Variants in ADGRB3 observed in about 807,000 individuals in gnomAD.
ADGRB3 encodes brain-specific angiogenesis inhibitor 3.
In ADGRB3, 37 loss-of-function variants were observed where a neutral mutation model predicts 193.4. The ratio of observed to expected loss-of-function variants is 0.19; its 90% CI spans 0.15 to 0.25. The LOEUF is 0.25. Among genes scored for constraint, ADGRB3 ranks in the 10% least tolerant of loss-of-function variants. The pLI is 1.00. For synonymous variants in ADGRB3, 690 were observed against 644.2 expected (o/e 1.07, Z -1.08); for missense variants, 1,637 against 1,852.9 (o/e 0.88, Z 2.14).
intron 17 of ADGRB3, among the ~76,000 whole-genome samples, chr6:69,116,604 A>C (rs1213979646): frequency 6.6e-6 from 1 of 152,234 alleles, no homozygotes; most frequent in Non-Finnish European, 1.5e-5. Flanking sequence ...CACTGATTGC[A>C]GTAAAAACTG....
At chr6:68,638,547 A>C in intron 2 of ADGRB3, 114 bp from the exon 3 acceptor site, 3 of 1,111,084 alleles carry the variant, frequency 2.7e-6, no homozygotes, top group Non-Finnish European at 1.3e-6. Context: ...CTTCTTTTAA[A>C]AAGGGCTTTT....
At chr6:69,271,460 T>C (rs1767176533) in intron 20 of ADGRB3, among the ~76,000 whole-genome samples, 1 of 152,112 alleles carries the variant, frequency 6.6e-6, no homozygotes, top group African/African-American at 2.4e-5. Context: ...ACACCTAAGG[T>C]CAAAAAGGAG....
chr6:68,781,903 A>G (rs1447094502), intron 3 of ADGRB3, among the ~76,000 whole-genome samples: 4 of 152,106 alleles, frequency 2.6e-5, no homozygotes, highest in African/African-American at 9.7e-5. Context: ...AAGCGAAAGA[A>G]GGGAAGTGTA....
In ADGRB3 at chr6:69,388,843, G is replaced by A. The variant is rs745818784; in HGVS notation, c.4521G>A (p.Leu1507=). The part of the protein sequence containing the change: ...ELRPAEWEKC[L]NLPLDVQEGD... ...GGCCAGCAGAGTGGGAGAAGTGTCTGAATTTGCCTCTGGATGTGCAAGAGG... is the reference window on the plus strand; with the variant it reads ...GGCCAGCAGAGTGGGAGAAGTGTCTAAATTTGCCTCTGGATGTGCAAGAGG... Residue 1507 remains leucine (L), a synonymous_variant, in exon 32 of 32, where the codon CTG becomes CTA. Coordinates refer to ENST00000370598, the MANE Select transcript of ADGRB3 (RefSeq NM_001704.3). 134 of 1,613,234 alleles carry A rather than the reference G, an allele frequency of 8.3e-5. No individual in the cohort carries two copies. Among genetic ancestry groups the A allele is most frequent in the Non-Finnish European group, 1.1e-4 (133 of 1,179,588 alleles).
intron 16 of ADGRB3, among the ~76,000 whole-genome samples, chr6:69,065,590 T>C (rs1771876529): frequency 6.6e-6 from 1 of 152,118 alleles, no homozygotes; most frequent in Admixed American, 6.6e-5. Context: ...CATAATATTA[T>C]TACCAGTCTT....
At chr6:68,652,344 C>G (rs186621998) in intron 3 of ADGRB3, among the ~76,000 whole-genome samples, 2 of 152,268 alleles carry the variant, frequency 1.3e-5, no homozygotes, top group Admixed American at 1.3e-4. Flanking sequence ...CACTCTATGT[C>G]ACACTTGTGA....
chr6:69,332,159 C>A (rs868128650), intron 23 of ADGRB3: 1 of 985,350 alleles, frequency 1.0e-6, no homozygotes, highest in South Asian at 4.7e-5. Context: ...CGGGGCTCAT[C>A]ATAAGCTGGT....
chr6:68,706,306 G>T (rs188228088), intron 3 of ADGRB3, among the ~76,000 whole-genome samples: 1 of 152,050 alleles, frequency 6.6e-6, no homozygotes, highest in Non-Finnish European at 1.5e-5. Context: ...GGCTGGGGTG[G>T]GGAAGACTAG....
At chr6:69,225,479 G>A (rs1456017160) in intron 17 of ADGRB3, among the ~76,000 whole-genome samples, 1 of 152,146 alleles carries the variant, frequency 6.6e-6, no homozygotes, top group African/African-American at 2.4e-5. Context: ...TGAGAGAACA[G>A]GGTAAAGGGA....
At position 69,279,586 on chromosome 6, in the gene ADGRB3, C is replaced by T. The variant is rs564907214; in HGVS notation, c.2814+40360C>T. On this transcript the variant is annotated intron_variant, in intron 20 of 31. Transcript: ENST00000370598. Reference sequence around the variant, plus strand: ...AATTATACATATATATATTTGTACTCTCTAGAATAACTATTTTTGAAATTT... The same window carrying T: ...AATTATACATATATATATTTGTACTTTCTAGAATAACTATTTTTGAAATTT... 5.4e-4 allele frequency among the ~76,000 whole-genome samples: 82 copies of T among 152,176 alleles called. No individual in the cohort carries two copies. The South Asian group carries it at 7.9e-3, about 15-fold the overall frequency.
chr6:69,100,824 A>AGG, intron 17 of ADGRB3, among the ~76,000 whole-genome samples: 2 of 94,032 alleles, frequency 2.1e-5, no homozygotes, highest in African/African-American at 7.7e-5. Context: ...GAAGGAAGGA[A>AGG]AGAAGGAAGG....
chr6:69,138,432 T>G (rs1399636574), intron 17 of ADGRB3, among the ~76,000 whole-genome samples: 1 of 152,228 alleles, frequency 6.6e-6, no homozygotes, highest in Non-Finnish European at 1.5e-5. Context: ...AGGTTACTGA[T>G]AAACCTCAGT....
At chr6:69,351,048 A>G (rs1468749085) in intron 26 of ADGRB3, among the ~76,000 whole-genome samples, 5 of 152,038 alleles carry the variant, frequency 3.3e-5, no homozygotes, top group Admixed American at 2.6e-4. Context: ...AGTGTTGGAC[A>G]AATATTTAAG....
Position 69,105,609 on chromosome 6 carries a change from AG to A in ADGRB3, c.2480+29572del, listed in dbSNP as rs1461489148. On this transcript the variant is annotated intron_variant, in intron 17 of 31. Coordinates refer to ENST00000370598, the MANE Select transcript of ADGRB3 (RefSeq NM_001704.3). Reference sequence around the variant, plus strand: ...TCCCAGCCCCGTTTCTGCCAGGGCTAGTATTGCTTCTCAATACTATTGCTTC... The same window carrying A: ...TCCCAGCCCCGTTTCTGCCAGGGCTATATTGCTTCTCAATACTATTGCTTC... 5.9e-5 allele frequency among the ~76,000 whole-genome samples: 9 copies of A among 152,318 alleles called. No homozygotes were observed. In the East Asian group the frequency reaches 1.7e-3, roughly 29 times the overall value.
intron 3 of ADGRB3, among the ~76,000 whole-genome samples, chr6:68,718,457 T>C (rs1159605857): frequency 1.3e-5 from 2 of 151,806 alleles, no homozygotes; most frequent in Non-Finnish European, 2.9e-5. Context: ...ACATATGTTC[T>C]AGTGCCTCTG....
chr6:69,167,081 C>T (rs552441647), intron 17 of ADGRB3, among the ~76,000 whole-genome samples: 21 of 152,084 alleles, frequency 1.4e-4, no homozygotes, highest in Non-Finnish European at 3.1e-4. Flanking sequence ...AGCAGGAAGC[C>T]GTACTTCTCT....
chr6:69,067,324 C>T (rs1322699666), intron 16 of ADGRB3, among the ~76,000 whole-genome samples: 1 of 152,064 alleles, frequency 6.6e-6, no homozygotes, highest in Non-Finnish European at 1.5e-5. Flanking sequence ...ATTCTAATAG[C>T]ATGAAGCTAA....
At chr6:68,783,417 G>A (rs1766899233) in intron 3 of ADGRB3, among the ~76,000 whole-genome samples, 1 of 150,848 alleles carries the variant, frequency 6.6e-6, no homozygotes, top group African/African-American at 2.4e-5. Flanking sequence ...TACTGCAGTA[G>A]CCAATTCCTT....
chr6:68,796,488 CT>C (rs1767210785), intron 3 of ADGRB3, among the ~76,000 whole-genome samples: 1 of 152,112 alleles, frequency 6.6e-6, no homozygotes, highest in Non-Finnish European at 1.5e-5. Context: ...TATAGTCATT[CT>C]GCCACCAGTC....
Sources: allele counts gnomAD v4.1 joint callset (sites outside exome capture counted in the v4.1 genomes callset), GRCh38; gene constraint gnomAD v4.1.1; transcripts MANE v1.5; gene names NCBI Gene and HGNC (gene_info 2026-07-23, HGNC 2026-07-21).